The following TBL1X variants were observed in gnomAD, a reference collection of about 807,000 sequenced individuals.
TBL1X encodes transducin beta like 1 X-linked, also known as F-box-like/WD repeat-containing protein TBL1X.
A neutral mutation model predicts 50.7 loss-of-function variants in TBL1X; 10 were observed. The ratio of observed to expected loss-of-function variants is 0.20; its 90% CI spans 0.12 to 0.33. The LOEUF is 0.33. Ranked by LOEUF, TBL1X falls within the 10% of genes least tolerant of loss-of-function variation. The pLI is 1.00. For synonymous variants in TBL1X, 190 were observed against 214.7 expected (o/e 0.88, Z 1.01); for missense variants, 340 against 504.4 (o/e 0.67, Z 3.12).
chrX:9,544,933 T>C (rs930329476), intron 2 of TBL1X, among the ~76,000 whole-genome samples: 3 of 109,399 alleles, frequency 2.7e-5, no homozygotes, highest in African/African-American at 1.0e-4. Flanking sequence ...AGTAGCAAAG[T>C]GGGACTGGTG....
At chrX:9,500,092 A>G (rs1053759747) in intron 1 of TBL1X, among the ~76,000 whole-genome samples, 1 of 107,594 alleles carries the variant, frequency 9.3e-6, no homozygotes, top group Non-Finnish European at 1.9e-5. Flanking sequence ...CGAGATTAGC[A>G]TGGGCAACAT....
intron 2 of TBL1X, among the ~76,000 whole-genome samples, chrX:9,564,642 A>AGAATCGCTTGAACCCAGGAGGT (rs1257352191): frequency 9.1e-6 from 1 of 110,000 alleles, no homozygotes; most frequent in African/African-American, 3.3e-5. Context: ...CTGAGGCAGG[A>AGAATCGCTTGAACCCAGGAGGT]GAATCGCTTG....
intron 2 of TBL1X, among the ~76,000 whole-genome samples, chrX:9,547,511 G>C (rs1366998531): frequency 1.8e-5 from 2 of 110,704 alleles, no homozygotes; most frequent in African/African-American, 6.6e-5. Context: ...GTAGAGACAG[G>C]GTTTCACCAT....
At chrX:9,552,158 T>C (rs996758614) in intron 2 of TBL1X, among the ~76,000 whole-genome samples, 1 of 111,479 alleles carries the variant, frequency 9.0e-6, no homozygotes, top group African/African-American at 3.3e-5. Flanking sequence ...AGATAACATA[T>C]CTAGTTTGGG....
chrX:9,514,757 C>T (rs1420776137), intron 2 of TBL1X, among the ~76,000 whole-genome samples: 1 of 43,513 alleles, frequency 2.3e-5, no homozygotes. Context: ...CCTTGGAGCC[C>T]TTACTTGGAT....
At chrX:9,496,113 A>G (rs73631485) in intron 1 of TBL1X, among the ~76,000 whole-genome samples, 4,739 of 112,368 alleles carry the variant, frequency 0.042, 100 homozygotes, top group South Asian at 0.11. Flanking sequence ...ATTTTGAAGA[A>G]GTCACCATGA....
Position 9,693,303 on chromosome X carries a change from T to A in TBL1X, c.956-19T>A. 1.7e-6 allele frequency: 2 copies of A among 1,210,679 alleles called. No homozygotes were observed. Among genetic ancestry groups the A allele is most frequent in the Non-Finnish European group, 2.2e-6 (2 of 894,608 alleles). ...ACAGACCATGACATTGAGGTCAACA[T>A]GTTTGTTTTTACTAACAGGTAACCT... On this transcript the variant is annotated intron_variant, in intron 10 of 17. Transcript: ENST00000645353.
chrX:9,573,463 C>T (rs1346286853), intron 2 of TBL1X, among the ~76,000 whole-genome samples: 2 of 112,511 alleles, frequency 1.8e-5, no homozygotes, highest in African/African-American at 6.5e-5. Flanking sequence ...TTGTCTTTGT[C>T]AGCAAATGTA....
intron 2 of TBL1X, among the ~76,000 whole-genome samples, chrX:9,548,422 T>C (rs2082255781): frequency 8.9e-6 from 1 of 111,871 alleles, no homozygotes; most frequent in Non-Finnish European, 1.9e-5. Flanking sequence ...TACTTAGTGC[T>C]TTTAAGCCCC....
At chrX:9,508,183 C>T (rs1003492867) in intron 2 of TBL1X, among the ~76,000 whole-genome samples, 4 of 111,912 alleles carry the variant, frequency 3.6e-5, no homozygotes, top group Admixed American at 9.5e-5. Context: ...AAAACTTCTG[C>T]AATCTACCCA....
At chrX:9,685,104 C>T (rs751835577) in intron 6 of TBL1X, among the ~76,000 whole-genome samples, 5 of 111,983 alleles carry the variant, frequency 4.5e-5, no homozygotes, top group Non-Finnish European at 7.5e-5. Flanking sequence ...TGGCTTGGAA[C>T]CCCTCCCACT....
intron 2 of TBL1X, among the ~76,000 whole-genome samples, chrX:9,570,068 G>A (rs1034017965): frequency 2.7e-5 from 3 of 112,018 alleles, no homozygotes; most frequent in Non-Finnish European, 5.6e-5. Flanking sequence ...ACCACAGCTC[G>A]TTGATTTAAA....
At chrX:9,672,306 C>A (rs913231997) in intron 5 of TBL1X, among the ~76,000 whole-genome samples, 1 of 112,251 alleles carries the variant, frequency 8.9e-6, no homozygotes, top group Non-Finnish European at 1.9e-5. Context: ...TTCACCGTTA[C>A]ATTCAAGACT....
chrX:9,475,079 G>T (rs768120921), intron 1 of TBL1X, among the ~76,000 whole-genome samples: 58 of 111,668 alleles, frequency 5.2e-4, no homozygotes, highest in Non-Finnish European at 9.2e-4. Flanking sequence ...TTGCCATGTT[G>T]GCCAGGCTGG....
chrX:9,605,588 C>T (rs931706483), intron 2 of TBL1X, among the ~76,000 whole-genome samples: 5 of 112,357 alleles, frequency 4.5e-5, no homozygotes, highest in South Asian at 7.3e-4. Flanking sequence ...GTCATGTATA[C>T]CACTTAGACA....
chrX:9,573,943 G>T (rs146673173), intron 2 of TBL1X, among the ~76,000 whole-genome samples: 122 of 112,451 alleles, frequency 1.1e-3, no homozygotes, highest in African/African-American at 3.8e-3. Context: ...GGTAGGCCAG[G>T]GGAGACAGCA....
At chrX:9,521,456 C>G (rs1222219941) in intron 2 of TBL1X, among the ~76,000 whole-genome samples, 1 of 111,371 alleles carries the variant, frequency 9.0e-6, no homozygotes, top group African/African-American at 3.3e-5. Flanking sequence ...CTCCCATGAC[C>G]CCTGCGTAGA....
chrX:9,622,292 C>T lies in TBL1X; in HGVS notation c.-130-17981C>T, dbSNP rs762529748. ...TCTTCCTGCACTGATTCTCCATCCC[C>T]CATCTCCACACCCCCGGAAAACCAC... On this transcript the variant is annotated intron_variant, in intron 2 of 17. Coordinates refer to ENST00000645353, the MANE Select transcript of TBL1X (RefSeq NM_005647.4). Among the ~76,000 whole-genome samples, 4 of 110,844 alleles carry T rather than the reference C, an allele frequency of 3.6e-5. No homozygotes were observed. In the East Asian group the frequency reaches 1.1e-3, roughly 31 times the overall value.
chrX:9,709,835 A>T, intron 15 of TBL1X, 75 bp downstream of exon 15: 1 of 1,152,061 alleles, frequency 8.7e-7, no homozygotes. Context: ...AAGCGCGTCC[A>T]TGCACGTGTG....
Sources: allele counts gnomAD v4.1 joint callset (sites outside exome capture counted in the v4.1 genomes callset), GRCh38; gene constraint gnomAD v4.1.1; transcripts MANE v1.5; gene names NCBI Gene and HGNC (gene_info 2026-07-23, HGNC 2026-07-21).